DHRS7B: variants seen among roughly 807,000 people sequenced by gnomAD.
DHRS7B encodes dehydrogenase/reductase 7B, also known as peroxisomal reductase activating PPAR-gamma.
A neutral mutation model predicts 26.4 loss-of-function variants in DHRS7B; 24 were observed. That is an observed-to-expected ratio of 0.91 (90% confidence interval 0.66 to 1.28). The LOEUF (loss-of-function observed/expected upper bound fraction) is 1.28. DHRS7B is among the 50% of genes most tolerant of loss of function. The probability of loss-of-function intolerance (pLI) is 0.00; values close to 1 mark genes in which losing one functional copy is unlikely to be tolerated. For missense variants in DHRS7B, 368 were observed against 419.4 expected (o/e 0.88, Z 1.07); for synonymous variants, 142 against 166.4 (o/e 0.85, Z 1.13).
chr17:21,191,130 G>C lies in DHRS7B; in HGVS notation c.955G>C (p.Glu319Gln). 1 of 1,613,748 alleles carries C rather than the reference G, an allele frequency of 6.2e-7. No homozygotes were observed. The highest frequency in any genetic ancestry group is 8.5e-7 in the Non-Finnish European group (1 of 1,180,044). The change falls in exon 7 of 7, where the codon GAG (glutamate) becomes CAG (glutamine). Residue 319 changes from glutamate (E) to glutamine (Q), a missense_variant. Coordinates refer to ENST00000395511, the MANE Select transcript of DHRS7B (RefSeq NM_015510.5). ...FSLMASRARK[E>Q]RKSKNS The stretch of plus-strand genomic sequence containing the variant: ...CCTCATGGCCTCCAGGGCCAGAAAA[G>C]AGCGGAAATCCAAGAACTCCTAGTA...
chr17:21,183,819 CT>C lies in DHRS7B; in HGVS notation c.526+11del. ...AGTTGCTCTAACGAAAGGTAACAGT[CT>C]TGAGAAAAGAGCAGTGATAAGTGAT... On this transcript the variant is annotated intron_variant, in intron 4 of 6. Transcript: ENST00000395511. 6.2e-7 allele frequency: 1 copy of C among 1,611,754 alleles called. No homozygotes were observed. Among genetic ancestry groups the C allele is most frequent in the Non-Finnish European group, 8.5e-7 (1 of 1,177,828 alleles).
At chr17:21,159,630 T>C (rs1973956998) in intron 1 of DHRS7B, among the ~76,000 whole-genome samples, 1 of 151,962 alleles carries the variant, frequency 6.6e-6, no homozygotes, top group Non-Finnish European at 1.5e-5. Context: ...CCCAGCACTT[T>C]GGGAGGCCAA....
chr17:21,145,741 C>T (rs1973629738), intron 1 of DHRS7B, among the ~76,000 whole-genome samples: 1 of 152,162 alleles, frequency 6.6e-6, no homozygotes, highest in Non-Finnish European at 1.5e-5. Context: ...ATAATCAACA[C>T]TTTATTATAA....
chr17:21,153,593 A>T (rs1384993831), intron 1 of DHRS7B, among the ~76,000 whole-genome samples: 2 of 151,944 alleles, frequency 1.3e-5, no homozygotes, highest in African/African-American at 2.4e-5. Context: ...TGTAATTTAT[A>T]AAAAAACAGA....
At chr17:21,145,052 C>T (rs1490494871) in intron 1 of DHRS7B, among the ~76,000 whole-genome samples, 12 of 151,892 alleles carry the variant, frequency 7.9e-5, no homozygotes, top group African/African-American at 1.2e-4. Context: ...AGGCCATGCA[C>T]GGTGGCTCAT....
At position 21,191,125 on chromosome 17, in the gene DHRS7B, GA is replaced by G; in HGVS notation, c.954del (p.Glu319SerfsTer48). The G allele has an allele frequency of 6.2e-7, 1 of 1,613,774 alleles. No individual in the cohort carries two copies. On this transcript the variant is annotated frameshift_variant, in exon 7 of 7. Coordinates refer to ENST00000395511, the MANE Select transcript of DHRS7B (RefSeq NM_015510.5). LOFTEE classifies it high-confidence loss of function. ...LFFSLMASRA[R>X]KERKSKNS is the part of the protein sequence containing the mutation. ...TTCAGCCTCATGGCCTCCAGGGCCA[GA>G]AAAGAGCGGAAATCCAAGAACTCCT...
intron 1 of DHRS7B, among the ~76,000 whole-genome samples, chr17:21,136,542 T>G (rs369060875): frequency 0.024 from 3,052 of 126,984 alleles, 101 homozygotes; most frequent in African/African-American, 0.075. Context: ...GTTTTGTGGG[T>G]TTTTTTGTTT....
chr17:21,187,519 G>A (rs955846276), intron 5 of DHRS7B, among the ~76,000 whole-genome samples: 4 of 151,584 alleles, frequency 2.6e-5, no homozygotes, highest in Non-Finnish European at 4.4e-5. Context: ...CCAGCTACTC[G>A]GGAGGCTGAG....
chr17:21,145,950 G>A (rs187257953), intron 1 of DHRS7B, among the ~76,000 whole-genome samples: 16 of 152,226 alleles, frequency 1.1e-4, no homozygotes, highest in Non-Finnish European at 2.2e-4. Context: ...AGTTGATTTG[G>A]TTGCCCATTA....
chr17:21,148,342 A>G (rs1973686988), intron 1 of DHRS7B, among the ~76,000 whole-genome samples: 1 of 152,220 alleles, frequency 6.6e-6, no homozygotes, highest in Non-Finnish European at 1.5e-5. Flanking sequence ...GAAATAAGAA[A>G]CAGAAGTCTC....
At position 21,188,779 on chromosome 17, in the gene DHRS7B, A is replaced by G; in HGVS notation, c.688A>G (p.Ile230Val). 6.2e-7 allele frequency: 1 copy of G among 1,614,030 alleles called. No individual in the cohort carries two copies. The highest frequency in any genetic ancestry group is 8.5e-7 in the Non-Finnish European group (1 of 1,180,012). Residue 230 changes from isoleucine (I) to valine (V), a missense_variant, in exon 6 of 7, where the codon ATT (isoleucine) becomes GTT (valine). Transcript: ENST00000395511. ...GCGTGCCGAGATGGAACAGTATGAA[A>G]TTGAGGTGACCGTCATCAGCCCCGG... ...CLRAEMEQYE[I>V]EVTVISPGYI...
intron 1 of DHRS7B, among the ~76,000 whole-genome samples, chr17:21,149,725 G>T (rs1314097990): frequency 6.6e-6 from 1 of 151,934 alleles, no homozygotes; most frequent in Admixed American, 6.6e-5. Flanking sequence ...ACATCTGTGA[G>T]ATATTTTTTT....
chr17:21,150,201 C>T (rs1054258485), intron 1 of DHRS7B, among the ~76,000 whole-genome samples: 66 of 149,826 alleles, frequency 4.4e-4, no homozygotes, highest in African/African-American at 1.4e-3. Context: ...GTATGGCAGA[C>T]GAGGAGGCTG....
At chr17:21,134,642 C>T (rs1973304344) in intron 1 of DHRS7B, among the ~76,000 whole-genome samples, 1 of 152,158 alleles carries the variant, frequency 6.6e-6, no homozygotes, top group Non-Finnish European at 1.5e-5. Flanking sequence ...CAATTGTGTC[C>T]TGCTACAAAT....
chr17:21,183,673 TG>T lies in DHRS7B; in HGVS notation c.390del (p.Gln131SerfsTer43). The T allele has an allele frequency of 6.2e-7, 1 of 1,614,196 alleles. No homozygotes were observed. On this transcript the variant is annotated frameshift_variant, in exon 4 of 7. Transcript: ENST00000395511. LOFTEE classifies it high-confidence loss of function. ...ATAGTTGCAGCAGCAGCTGAGATCC[TG>T]CAGTGCTTTGGCTATGTCGACATAC... ...GAIVAAAAEI[L>X]QCFGYVDILV...
chr17:21,173,987 C>T (rs1974317990), intron 2 of DHRS7B, among the ~76,000 whole-genome samples: 1 of 152,154 alleles, frequency 6.6e-6, no homozygotes, highest in Non-Finnish European at 1.5e-5. Flanking sequence ...GGTCACCAGA[C>T]CTGTCTATGT....
At chr17:21,189,721 T>C (rs1297032668) in intron 6 of DHRS7B, among the ~76,000 whole-genome samples, 1 of 152,242 alleles carries the variant, frequency 6.6e-6, no homozygotes, top group Non-Finnish European at 1.5e-5. Flanking sequence ...CATACAGCTT[T>C]ACACCTGTTT....
intron 1 of DHRS7B, among the ~76,000 whole-genome samples, chr17:21,152,810 C>T (rs1459954410): frequency 6.6e-6 from 1 of 152,178 alleles, no homozygotes; most frequent in Non-Finnish European, 1.5e-5. Flanking sequence ...CCCTCTCTAG[C>T]CATCCTGTCC....
chr17:21,131,413 G>T (rs1041806745), intron 1 of DHRS7B, among the ~76,000 whole-genome samples: 1 of 152,204 alleles, frequency 6.6e-6, no homozygotes, highest in Non-Finnish European at 1.5e-5. Context: ...AAACTGTTAT[G>T]GTGCTGGTAG....
Sources: allele counts gnomAD v4.1 joint callset (sites outside exome capture counted in the v4.1 genomes callset), GRCh38; gene constraint gnomAD v4.1.1; transcripts MANE v1.5; gene names NCBI Gene and HGNC (gene_info 2026-07-23, HGNC 2026-07-21).